The following LRP1B variants were observed in gnomAD, a reference collection of about 807,000 sequenced individuals.
LRP1B encodes the protein low-density lipoprotein receptor-related protein 1B.
In LRP1B, 217 loss-of-function variants were observed where a neutral mutation model predicts 556.6. That is an observed-to-expected ratio of 0.39 (90% confidence interval 0.35 to 0.44). The LOEUF (loss-of-function observed/expected upper bound fraction) is 0.44. LRP1B is among the 20% of genes least tolerant of loss of function. The pLI is 1.00. For synonymous variants in LRP1B, 2,047 were observed against 1,865.8 expected, an observed-to-expected ratio of 1.10 and a Z score of -2.50; for missense variants, 5,053 against 5,620.8, an observed-to-expected ratio of 0.90 and a Z score of 3.23.
At chr2:141,093,335 A>G (rs1252316477) in intron 7 of LRP1B, among the ~76,000 whole-genome samples, 1 of 152,118 alleles carries the variant, frequency 6.6e-6, no homozygotes, top group African/African-American at 2.4e-5. Flanking sequence ...CACTGAAATA[A>G]TAGGGGCAGG....
intron 17 of LRP1B, among the ~76,000 whole-genome samples, chr2:140,986,707 G>A (rs1481777246): frequency 6.6e-6 from 1 of 152,136 alleles, no homozygotes; most frequent in Non-Finnish European, 1.5e-5. Context: ...TATTGCATTA[G>A]AATAGCCTGC....
intron 1 of LRP1B, among the ~76,000 whole-genome samples, chr2:141,966,490 G>A (rs918109503): frequency 6.6e-6 from 1 of 151,892 alleles, no homozygotes; most frequent in Admixed American, 6.6e-5. Flanking sequence ...GGTCAAGCAA[G>A]CAGCAGGGGC....
At chr2:140,884,166 C>T (rs1693562074) in intron 24 of LRP1B, 145 bp from the exon 25 acceptor site, 3 of 683,526 alleles carry the variant, frequency 4.4e-6, no homozygotes, top group Non-Finnish European at 7.3e-6. Context: ...CTACCTAGCA[C>T]AGGTAAAACC....
chr2:141,908,408 C>G (rs1305320488), intron 1 of LRP1B, among the ~76,000 whole-genome samples: 1 of 151,876 alleles, frequency 6.6e-6, no homozygotes, highest in Non-Finnish European at 1.5e-5. Context: ...GACACAGCAA[C>G]AGATAAGACA....
chr2:141,516,740 C>T (rs1412715639), intron 2 of LRP1B, among the ~76,000 whole-genome samples: 1 of 148,062 alleles, frequency 6.8e-6, no homozygotes, highest in African/African-American at 2.5e-5. Context: ...TCTTGTTGCC[C>T]AGGCTGGAGT....
At chr2:140,648,446 A>T (rs2105314884) in intron 41 of LRP1B, among the ~76,000 whole-genome samples, 1 of 152,198 alleles carries the variant, frequency 6.6e-6, no homozygotes, top group Non-Finnish European at 1.5e-5. Flanking sequence ...ATAAAAAAAA[A>T]TTACACATTG....
At chr2:141,269,096 C>T (rs1005347842) in intron 3 of LRP1B, among the ~76,000 whole-genome samples, 6 of 152,146 alleles carry the variant, frequency 3.9e-5, no homozygotes, top group Non-Finnish European at 7.4e-5. Flanking sequence ...CAGGGCTTAA[C>T]AAACAGAGCT....
chr2:140,814,086 C>T (rs1484755790), intron 31 of LRP1B, among the ~76,000 whole-genome samples: 1 of 152,106 alleles, frequency 6.6e-6, no homozygotes, highest in Non-Finnish European at 1.5e-5. Context: ...GCAATCCTCC[C>T]ATCTCAGCCT....
At position 141,002,637 on chromosome 2, in the gene LRP1B, C is replaced by T. The variant is rs147902206; in HGVS notation, c.2503+2698G>A. 1.8e-4 allele frequency among the ~76,000 whole-genome samples: 28 copies of T among 152,036 alleles called. No homozygotes were observed. In the East Asian group the frequency reaches 5.5e-3, roughly 30 times the overall value. On this transcript the variant is annotated intron_variant, in intron 15 of 90. Transcript: ENST00000389484. The stretch of plus-strand genomic sequence containing the variant: ...TACTATATTGCTTAGGAAATAATTA[C>T]AAGAAAGAAAGTGTAAGTGTTCAGT...
chr2:141,169,638 A>G (rs1680413381), intron 7 of LRP1B, among the ~76,000 whole-genome samples: 1 of 151,888 alleles, frequency 6.6e-6, no homozygotes, highest in Non-Finnish European at 1.5e-5. Context: ...CTTTGTTAAA[A>G]CAAAAGTTTG....
At chr2:140,405,262 C>A (rs1172098230) in intron 66 of LRP1B, among the ~76,000 whole-genome samples, 2 of 152,092 alleles carry the variant, frequency 1.3e-5, no homozygotes, top group Non-Finnish European at 2.9e-5. Flanking sequence ...ATCGGAAAGT[C>A]TGAAAGAGCA....
At chr2:141,429,738 G>A (rs779148224) in intron 3 of LRP1B, among the ~76,000 whole-genome samples, 2 of 152,018 alleles carry the variant, frequency 1.3e-5, no homozygotes, top group African/African-American at 2.4e-5. Flanking sequence ...GAGAATATGC[G>A]GTATTTGGTT....
At chr2:141,140,322 T>A (rs1701615634) in intron 7 of LRP1B, among the ~76,000 whole-genome samples, 1 of 152,068 alleles carries the variant, frequency 6.6e-6, no homozygotes, top group Non-Finnish European at 1.5e-5. Flanking sequence ...GTCAATTATA[T>A]AATAATAAAA....
chr2:140,704,715 CA>C (rs1686766917), intron 37 of LRP1B, among the ~76,000 whole-genome samples: 1 of 152,022 alleles, frequency 6.6e-6, no homozygotes, highest in African/African-American at 2.4e-5. Flanking sequence ...GTGAAGGAGG[CA>C]CTGTGAGACC....
At chr2:141,243,942 T>C (rs1446009903) in intron 5 of LRP1B, among the ~76,000 whole-genome samples, 1 of 152,198 alleles carries the variant, frequency 6.6e-6, no homozygotes, top group African/African-American at 2.4e-5. Flanking sequence ...TTAAGGCTTA[T>C]GAATTTTACT....
intron 7 of LRP1B, among the ~76,000 whole-genome samples, chr2:141,124,358 ATAGT>A (rs1040147597): frequency 2.6e-5 from 4 of 152,268 alleles, no homozygotes; most frequent in Admixed American, 6.5e-5. Flanking sequence ...AAGAGCTATG[ATAGT>A]TAGAATGCTT....
chr2:140,983,187 T>C (rs1489756293), intron 17 of LRP1B, among the ~76,000 whole-genome samples: 2 of 152,110 alleles, frequency 1.3e-5, no homozygotes, highest in African/African-American at 4.8e-5. Context: ...CTTTTTTTCT[T>C]CTGTCCCTCT....
intron 1 of LRP1B, among the ~76,000 whole-genome samples, chr2:141,813,438 T>C (rs1696424515): frequency 6.6e-6 from 1 of 151,994 alleles, no homozygotes; most frequent in East Asian, 1.9e-4. Context: ...GGTCAAGGGC[T>C]AAGGATTTGA....
At chr2:141,249,794 T>C (rs1000894113) in intron 4 of LRP1B, among the ~76,000 whole-genome samples, 1 of 152,118 alleles carries the variant, frequency 6.6e-6, no homozygotes, top group East Asian at 1.9e-4. Context: ...TTAGATTCAG[T>C]AATTAGGACA....
Sources: allele counts gnomAD v4.1 joint callset (sites outside exome capture counted in the v4.1 genomes callset), GRCh38; gene constraint gnomAD v4.1.1; transcripts MANE v1.5; gene names NCBI Gene and HGNC (gene_info 2026-07-23, HGNC 2026-07-21).